Variants in PKN3 observed in about 807,000 individuals in gnomAD.
PKN3 encodes serine/threonine-protein kinase N3.
A neutral mutation model predicts 113.1 loss-of-function variants in PKN3; 91 were observed. The ratio of observed to expected loss-of-function variants is 0.80; its 90% CI spans 0.68 to 0.96. The LOEUF (loss-of-function observed/expected upper bound fraction) is 0.96. PKN3 is among the 40% of genes least tolerant of loss of function. The probability of loss-of-function intolerance (pLI) is 0.00; values close to 1 mark genes in which losing one functional copy is unlikely to be tolerated. For synonymous variants in PKN3, 467 were observed against 499.0 expected, an observed-to-expected ratio of 0.94 and a Z score of 0.85; for missense variants, 1,052 against 1,202.2, an observed-to-expected ratio of 0.88 and a Z score of 1.85.
intron 15 of PKN3, among the ~76,000 whole-genome samples, chr9:128,716,324 G>A (rs1310668334): frequency 2.0e-5 from 3 of 147,736 alleles, no homozygotes; most frequent in African/African-American, 5.0e-5. Context: ...AAGGCTGGGC[G>A]CACTGGCTCA....
Position 128,720,148 on chromosome 9 carries a change from T to G in PKN3, c.2377-55T>G. The stretch of plus-strand genomic sequence containing the variant: ...GGCCAGCGTGCTTGGGGCCTGTGGA[T>G]GATGGCAGTGCCTGGGGCTGAATGC... On this transcript the variant is annotated intron_variant, in intron 20 of 21. Coordinates refer to ENST00000291906, the MANE Select transcript of PKN3 (RefSeq NM_013355.5). This position sits in a 1 kb window ranked among gnomAD's most constrained non-coding sequence, Gnocchi z 5.5. 6.3e-7 allele frequency: 1 copy of G among 1,575,920 alleles called. No individual in the cohort carries two copies. The highest frequency in any genetic ancestry group is 8.7e-7 in the Non-Finnish European group (1 of 1,148,750).
At position 128,716,915 on chromosome 9, in the gene PKN3, C is replaced by T. The variant is rs146454271; in HGVS notation, c.1977C>T (p.Pro659=). 9 of 1,613,488 alleles carry T rather than the reference C, an allele frequency of 5.6e-6. No individual in the cohort carries two copies. In the African/African-American group the frequency reaches 1.1e-4, roughly 19 times the overall value. Residue 659 remains proline (P), a synonymous_variant, in exon 16 of 22, where the codon CCC becomes CCT. Coordinates refer to ENST00000291906, the MANE Select transcript of PKN3 (RefSeq NM_013355.5). The part of the protein sequence containing the change: ...MQIHEDVFPE[P]QARFYVACVV... ...TCCACGAGGATGTCTTCCCCGAGCC[C>T]CAGGCCCGGTGGGTTCCATCCCTCC...
intron 13 of PKN3, 31 bp downstream of exon 13, chr9:128,714,896 G>A: frequency 6.3e-7 from 1 of 1,594,798 alleles, no homozygotes; most frequent in Non-Finnish European, 8.6e-7. Context: ...TCATGTTTGA[G>A]ACGTTCGTCT....
rs758022096 is a variant in PKN3, at chr9:128,713,028, G to GC, written c.836-18dup. ...CAGTGGGAAGATGGCATCTGACAAC[G>GC]CCCCCCGCTCACTCTCCCCACAGGG... On this transcript the variant is annotated intron_variant, in intron 6 of 21. Transcript: ENST00000291906. The GC allele has an allele frequency of 8.3e-6, 13 of 1,569,858 alleles. No individual in the cohort carries two copies. In the Admixed American group the frequency reaches 1.1e-4, roughly 13 times the overall value.
chr9:128,717,790 C>T lies in PKN3; in HGVS notation c.1986-535C>T, dbSNP rs570372968. ...ATCCCCACACTTTGGGAGGCTGAGG[C>T]GTGTGGATCATGAGGTCAAGAGATC... On this transcript the variant is annotated intron_variant, in intron 16 of 21. Transcript: ENST00000291906. 7.2e-5 allele frequency among the ~76,000 whole-genome samples: 10 copies of T among 139,378 alleles called. 1 individual carries two copies. Among genetic ancestry groups the T allele is most frequent in the Admixed American group, 5.3e-4 (7 of 13,182 alleles). 91.4% of individuals were successfully genotyped at this position (139,378 alleles called of 152,430 possible).
chr9:128,720,086 C>T lies in PKN3; in HGVS notation c.2376+69C>T, dbSNP rs1862485949. 2.0e-6 allele frequency: 3 copies of T among 1,538,010 alleles called. No individual in the cohort carries two copies. Among genetic ancestry groups the T allele is most frequent in the East Asian group, 2.3e-5 (1 of 44,436 alleles). The stretch of plus-strand genomic sequence containing the variant: ...GGCCCATGTGCCCTCTGCCGTGGGA[C>T]AGCAGACCCCCTGCCACCCATCCTT... On this transcript the variant is annotated intron_variant, in intron 20 of 21. Transcript: ENST00000291906. This position sits in a 1 kb window ranked among gnomAD's most constrained non-coding sequence, Gnocchi z 5.5.
intron 3 of PKN3, 30 bp from the exon 4 acceptor site, chr9:128,706,683 G>C (rs777788745): frequency 6.6e-5 from 97 of 1,467,054 alleles, no homozygotes; most frequent in Non-Finnish European, 8.5e-5. Flanking sequence ...CCCAGGCCTG[G>C]TCTGATGGGC....
At chr9:128,708,597 C>T (rs2132295818) in intron 6 of PKN3, among the ~76,000 whole-genome samples, 1 of 152,088 alleles carries the variant, frequency 6.6e-6, no homozygotes, top group South Asian at 2.1e-4. Flanking sequence ...GTAATTCCAG[C>T]ACTTTGGGAG....
Position 128,713,389 on chromosome 9 carries a change from T to A in PKN3, c.1092+2T>A, listed in dbSNP as rs747394220. On this transcript the variant is annotated splice_donor_variant, in intron 8 of 21. Transcript: ENST00000291906. LOFTEE classifies it high-confidence loss of function. ...ACCTTTGTCATCCCACTGGAGCGAG[T>A]AAGGCTGGCCTTTGTGTGGTCAGGG... The A allele has an allele frequency of 6.2e-7, 1 of 1,613,762 alleles. No homozygotes were observed. The highest frequency in any genetic ancestry group is 1.1e-5 in the South Asian group (1 of 91,050).
Position 128,718,594 on chromosome 9 carries a change from G to A in PKN3, c.2094G>A (p.Leu698=), listed in dbSNP as rs1359390853. The A allele has an allele frequency of 6.2e-7, 1 of 1,614,092 alleles. No individual in the cohort carries two copies. Among genetic ancestry groups the A allele is most frequent in the East Asian group, 2.2e-5 (1 of 44,876 alleles). ...TTCTGCTGGATGCCCAGGGATTCCT[G>A]AAGATCGCAGACTTTGGACTCTGCA... is the stretch of plus-strand genomic sequence containing the variant. ...DNLLLDAQGF[L]KIADFGLCKE... is the part of the protein sequence containing the mutation. Residue 698 remains leucine (L), a synonymous_variant, in exon 18 of 22, where the codon CTG becomes CTA. Transcript: ENST00000291906.
At position 128,715,136 on chromosome 9, in the gene PKN3, C is replaced by G; in HGVS notation, c.1653-36C>G. ...CTCTGGGTAGGGGCCCAGCCAGTGCCCTAGGGGACTTCATATACCCTCTCT... is the reference window on the plus strand; with the variant it reads ...CTCTGGGTAGGGGCCCAGCCAGTGCGCTAGGGGACTTCATATACCCTCTCT... On this transcript the variant is annotated intron_variant, in intron 13 of 21. Transcript: ENST00000291906. This position sits in a 1 kb window ranked among gnomAD's most constrained non-coding sequence, Gnocchi z 4.1. The G allele has an allele frequency of 6.2e-7, 1 of 1,604,154 alleles. No homozygotes were observed. Among genetic ancestry groups the G allele is most frequent in the Non-Finnish European group, 8.5e-7 (1 of 1,171,310 alleles).
At chr9:128,707,483 G>T (rs925378389) in intron 6 of PKN3, 78 bp downstream of exon 6, 6 of 1,218,334 alleles carry the variant, frequency 4.9e-6, no homozygotes, top group Non-Finnish European at 6.8e-6. Flanking sequence ...CTCTGATGAA[G>T]AGTTCAAGAG....
At position 128,718,385 on chromosome 9, in the gene PKN3, C is replaced by G; in HGVS notation, c.2046C>G (p.Tyr682Ter). Residue 682 changes from tyrosine (Y) to a stop codon, truncating the protein, a stop_gained and splice_region_variant, in exon 17 of 22, where the codon TAC becomes TAG. Transcript: ENST00000291906. LOFTEE classifies it high-confidence loss of function. ...TCTTACACGAGAAGAAGATCATTTA[C>G]AGGTGACTTTTGTCCCAGGGATGCA... ...LQFLHEKKII[Y>*]RDLKLDNLLL... 6.2e-7 allele frequency: 1 copy of G among 1,601,528 alleles called. No individual in the cohort carries two copies. Among genetic ancestry groups the G allele is most frequent in the Non-Finnish European group, 8.6e-7 (1 of 1,169,420 alleles).
chr9:128,705,101 G>A (rs1861968814), intron 1 of PKN3, among the ~76,000 whole-genome samples: 1 of 152,160 alleles, frequency 6.6e-6, no homozygotes, highest in Non-Finnish European at 1.5e-5. Context: ...CGGAGGACAG[G>A]AGCCTGGCCT....
intron 1 of PKN3, 135 bp downstream of exon 1, chr9:128,703,074 C>G: frequency 1.6e-6 from 1 of 640,390 alleles, no homozygotes; most frequent in Non-Finnish European, 2.4e-6. Context: ...TGCCCTGGCC[C>G]CGGCCCCGCG....
At chr9:128,708,525 C>T (rs1862085867) in intron 6 of PKN3, among the ~76,000 whole-genome samples, 2 of 150,576 alleles carry the variant, frequency 1.3e-5, no homozygotes. Flanking sequence ...TTTTTGAGAC[C>T]CAGTCTCAAA....
rs1450905439 is a variant in PKN3, at chr9:128,705,506, C to T, written c.228C>T (p.Ala76=). The T allele has an allele frequency of 1.3e-6, 2 of 1,558,494 alleles. No individual in the cohort carries two copies. The highest frequency in any genetic ancestry group is 3.9e-5 in the Admixed American group (2 of 51,818). Residue 76 remains alanine, a synonymous_variant, in exon 2 of 22, where the codon GCC becomes GCT. Transcript: ENST00000291906. ...ATGGCGAGCTGCGGGAGCTGCACGCCCGAATCCTGCTGCCCGGCCCTGGGC... is the reference window on the plus strand; with the variant it reads ...ATGGCGAGCTGCGGGAGCTGCACGCTCGAATCCTGCTGCCCGGCCCTGGGC... ...QLHGELRELH[A]RILLPGPGPG... is the part of the protein sequence containing the mutation.
At position 128,715,109 on chromosome 9, in the gene PKN3, G is replaced by A. The variant is rs1862300610; in HGVS notation, c.1653-63G>A. 2.3e-5 allele frequency: 36 copies of A among 1,537,274 alleles called. No individual in the cohort carries two copies. The highest frequency in any genetic ancestry group is 3.2e-5 in the Non-Finnish European group (36 of 1,111,582). ...GGACTGGGCATGGGAGGCTTGGAGT[G>A]GCTCTGGGTAGGGGCCCAGCCAGTG... On this transcript the variant is annotated intron_variant, in intron 13 of 21. Coordinates refer to ENST00000291906, the MANE Select transcript of PKN3 (RefSeq NM_013355.5). The surrounding 1 kb of genome is among the most constrained non-coding windows in gnomAD (Gnocchi z 4.1).
At chr9:128,717,113 G>GTTTGTTTTTTTTTTTTTTTTTT (rs1554781180) in intron 16 of PKN3, among the ~76,000 whole-genome samples, 190 bp downstream of exon 16, 1 of 14,446 alleles carries the variant, frequency 6.9e-5, no homozygotes, top group African/African-American at 2.0e-4. Context: ...TGTGCATTAG[G>GTTTGTTTTTTTTTTTTTTTTTT]TTTCTTTTTT....
Sources: allele counts gnomAD v4.1 joint callset (sites outside exome capture counted in the v4.1 genomes callset), GRCh38; gene constraint gnomAD v4.1.1; non-coding constraint Gnocchi (gnomAD v3.1); transcripts MANE v1.5; gene names NCBI Gene and HGNC (gene_info 2026-07-23, HGNC 2026-07-21).